The following TEX14 variants were observed in gnomAD, a reference collection of about 807,000 sequenced individuals.
TEX14 encodes the protein inactive serine/threonine-protein kinase TEX14.
In TEX14, 168 loss-of-function variants were observed where a neutral mutation model predicts 178.6. That is an observed-to-expected ratio of 0.94 (90% CI 0.83 to 1.07). The LOEUF is 1.07. TEX14 is among the 50% of genes least tolerant of loss of function. TEX14 has a pLI of 0.00. For missense variants in TEX14, 1,730 were observed against 1,753.6 expected (o/e 0.99, Z 0.24); for synonymous variants, 626 against 634.1 (o/e 0.99, Z 0.19).
At chr17:58,612,782 C>CA (rs2045778518) in intron 9 of TEX14, among the ~76,000 whole-genome samples, 2 of 151,246 alleles carry the variant, frequency 1.3e-5, no homozygotes, top group Non-Finnish European at 2.9e-5. Flanking sequence ...GTGGCATGCA[C>CA]CTGTAGTCTC....
chr17:58,662,119 G>A (rs2143378454), intron 1 of TEX14, among the ~76,000 whole-genome samples: 1 of 151,628 alleles, frequency 6.6e-6, no homozygotes, highest in Non-Finnish European at 1.5e-5. Context: ...GGGATTACAG[G>A]CGTGAGCCAC....
chr17:58,674,388 G>A (rs1240030992), intron 1 of TEX14, among the ~76,000 whole-genome samples: 1 of 152,048 alleles, frequency 6.6e-6, no homozygotes, highest in Non-Finnish European at 1.5e-5. Context: ...ATGAAAGTCC[G>A]GCCAGGCGCA....
At chr17:58,568,213 G>A (rs781515340) in intron 26 of TEX14, among the ~76,000 whole-genome samples, 2 of 152,180 alleles carry the variant, frequency 1.3e-5, no homozygotes, top group Non-Finnish European at 2.9e-5. Flanking sequence ...TGTGGCACTG[G>A]GGGAGGGGTA....
At chr17:58,611,467 G>A in intron 9 of TEX14, 128 bp from the exon 10 acceptor site, 1 of 707,200 alleles carries the variant, frequency 1.4e-6, no homozygotes. Flanking sequence ...TTTACAGATG[G>A]AGAACCTAAA....
intron 11 of TEX14, among the ~76,000 whole-genome samples, chr17:58,604,425 C>T (rs1042951417): frequency 2.0e-5 from 3 of 150,708 alleles, no homozygotes; most frequent in Admixed American, 6.6e-5. Context: ...AAACCGAGAT[C>T]GAGCCACTGC....
At chr17:58,625,346 G>T (rs1433826753) in intron 3 of TEX14, among the ~76,000 whole-genome samples, 2 of 152,160 alleles carry the variant, frequency 1.3e-5, no homozygotes, top group African/African-American at 2.4e-5. Context: ...TGTTGGCCAG[G>T]CTGGTCTCAA....
rs539950238 is a variant in TEX14 at position 58,645,524 on chromosome 17, A to G, written c.136+6342T>C. On this transcript the variant is annotated intron_variant, in intron 2 of 31. Transcript: ENST00000349033. ...TAGGCGCCCGCCACCGCGCCCGACT[A>G]ATTTTTTGTATTTTTAGTAGAGACA... Among the ~76,000 whole-genome samples, 177 of 151,938 alleles carry G rather than the reference A, an allele frequency of 1.2e-3. 2 individuals are homozygous for G. The highest frequency in any genetic ancestry group is 5.0e-4 in the Non-Finnish European group (34 of 67,974).
intron 1 of TEX14, among the ~76,000 whole-genome samples, chr17:58,685,070 A>T (rs1425504351): frequency 2.0e-5 from 3 of 152,214 alleles, no homozygotes; most frequent in Non-Finnish European, 4.4e-5. Flanking sequence ...TAGAAATAAT[A>T]CGAATGAAAA....
chr17:58,673,835 T>C (rs1303021362), intron 1 of TEX14, among the ~76,000 whole-genome samples: 2 of 152,186 alleles, frequency 1.3e-5, no homozygotes, highest in Admixed American at 1.3e-4. Flanking sequence ...CCCAAAGTCC[T>C]GGGATTATAG....
Position 58,616,291 on chromosome 17 carries a change from CCCAG to C in TEX14, c.647_650del (p.Thr216ArgfsTer8). On this transcript the variant is annotated frameshift_variant, in exon 7 of 32. Coordinates refer to ENST00000349033, the MANE Select transcript of TEX14 (RefSeq NM_031272.5). LOFTEE classifies it high-confidence loss of function. ...ATCCTAGATAGGCCATCTGTGTCGC[CCCAG>C]TAAGATAAAACTGAAACCAAGGCAT... 1 of 1,613,200 alleles carries C rather than the reference CCCAG, an allele frequency of 6.2e-7. No homozygotes were observed. The highest frequency in any genetic ancestry group is 2.2e-5 in the East Asian group (1 of 44,862).
intron 1 of TEX14, chr17:58,659,254 A>C (rs1018262834): frequency 2.6e-6 from 2 of 772,138 alleles, no homozygotes; most frequent in Admixed American, 6.2e-5. Context: ...CCCTCCCCCA[A>C]GAAAAACACT....
chr17:58,653,541 G>A (rs2046882884), intron 1 of TEX14, among the ~76,000 whole-genome samples: 1 of 152,138 alleles, frequency 6.6e-6, no homozygotes, highest in Non-Finnish European at 1.5e-5. Context: ...CTCATGAATG[G>A]ATTAGTGCTA....
intron 1 of TEX14, among the ~76,000 whole-genome samples, chr17:58,667,682 C>T (rs2047236512): frequency 6.6e-6 from 1 of 152,020 alleles, no homozygotes; most frequent in African/African-American, 2.4e-5. Flanking sequence ...GTCAGGAGTT[C>T]GAGACCAGCC....
intron 1 of TEX14, among the ~76,000 whole-genome samples, chr17:58,691,465 G>A (rs1286226498): frequency 6.6e-6 from 1 of 151,640 alleles, no homozygotes; most frequent in Non-Finnish European, 1.5e-5. Flanking sequence ...TCAGGAGTTC[G>A]AGACCAGCCT....
At chr17:58,671,276 G>A (rs754903261) in intron 1 of TEX14, among the ~76,000 whole-genome samples, 1 of 151,986 alleles carries the variant, frequency 6.6e-6, no homozygotes, top group Non-Finnish European at 1.5e-5. Context: ...CCTGGTGCTG[G>A]GGGACATCAC....
At chr17:58,612,835 T>G (rs1175580669) in intron 9 of TEX14, among the ~76,000 whole-genome samples, 1 of 150,872 alleles carries the variant, frequency 6.6e-6, no homozygotes, top group Non-Finnish European at 1.5e-5. Context: ...AGCCCAGGAG[T>G]TGGAGGTTAC....
chr17:58,658,112 CTTTACTCACCAAG>C (rs879320741), intron 1 of TEX14, among the ~76,000 whole-genome samples: 6 of 152,182 alleles, frequency 3.9e-5, no homozygotes, highest in Non-Finnish European at 8.8e-5. Context: ...ACTGGCTTCC[CTTTACTCACCAAG>C]TTATCCTTAA....
At chr17:58,575,503 A>G (rs2144376209) in intron 21 of TEX14, among the ~76,000 whole-genome samples, 1 of 152,308 alleles carries the variant, frequency 6.6e-6, no homozygotes, top group Non-Finnish European at 1.5e-5. Flanking sequence ...TGACTTTATT[A>G]ATTCTGTTAC....
chr17:58,668,106 A>G (rs2047243693), intron 1 of TEX14, among the ~76,000 whole-genome samples: 1 of 152,088 alleles, frequency 6.6e-6, no homozygotes. Context: ...TGATCACCCC[A>G]GCCTGTCTTC....
Sources: gnomAD v4.1 joint callset for allele counts (sites outside exome capture counted in the v4.1 genomes callset) on GRCh38, gnomAD v4.1.1 for gene constraint, MANE v1.5 for transcripts, NCBI Gene and HGNC (gene_info 2026-07-23, HGNC 2026-07-21) for gene names.